DCC: variants seen among roughly 807,000 people sequenced by gnomAD.
DCC encodes netrin receptor DCC.
A neutral mutation model predicts 172.5 loss-of-function variants in DCC; 58 were observed. The ratio of observed to expected loss-of-function variants is 0.34; its 90% CI spans 0.27 to 0.42. The LOEUF (loss-of-function observed/expected upper bound fraction) is 0.42, where lower values mean the gene tolerates loss of function less well. Ranked by LOEUF, DCC falls within the 10% of genes least tolerant of loss-of-function variation. The pLI, the probability that DCC is intolerant of heterozygous loss-of-function variation, is 1.00. For synonymous variants in DCC, 709 were observed against 644.5 expected (o/e 1.10, Z -1.52); for missense variants, 1,740 against 1,791.0 (o/e 0.97, Z 0.51).
intron 27 of DCC, among the ~76,000 whole-genome samples, chr18:53,514,402 A>G (rs1001414995): frequency 6.6e-6 from 1 of 152,206 alleles, no homozygotes; most frequent in African/African-American, 2.4e-5. Flanking sequence ...CTAGAAAAGC[A>G]AGAGCAAACA....
chr18:53,377,033 A>G (rs1191658892), intron 15 of DCC, among the ~76,000 whole-genome samples: 1 of 152,128 alleles, frequency 6.6e-6, no homozygotes, highest in East Asian at 1.9e-4. Context: ...CCTAGTTCTG[A>G]GGAATCAATT....
intron 9 of DCC, among the ~76,000 whole-genome samples, chr18:53,199,864 T>C (rs989870398): frequency 6.6e-6 from 1 of 152,192 alleles, no homozygotes; most frequent in African/African-American, 2.4e-5. Flanking sequence ...CATACAATTA[T>C]GAAATTTTTA....
chr18:53,081,824 C>A (rs1239675592), intron 7 of DCC, among the ~76,000 whole-genome samples: 1 of 151,914 alleles, frequency 6.6e-6, no homozygotes, highest in South Asian at 2.1e-4. Context: ...ATTATAATGT[C>A]CCTTATTCCT....
chr18:52,408,846 A>G (rs1220271717), intron 1 of DCC, among the ~76,000 whole-genome samples: 1 of 152,086 alleles, frequency 6.6e-6, no homozygotes, highest in Non-Finnish European at 1.5e-5. Context: ...TTTTCACTGG[A>G]AACTTCTGAG....
intron 2 of DCC, among the ~76,000 whole-genome samples, chr18:52,762,926 C>T (rs2037187190): frequency 6.6e-6 from 1 of 152,186 alleles, no homozygotes; most frequent in African/African-American, 2.4e-5. Context: ...AATGAGTTTA[C>T]ACTATTTACA....
intron 1 of DCC, among the ~76,000 whole-genome samples, chr18:52,478,664 C>T (rs893265442): frequency 3.9e-5 from 6 of 152,140 alleles, no homozygotes; most frequent in African/African-American, 1.4e-4. Flanking sequence ...TGGCAGAAAG[C>T]CATGGGGGAG....
chr18:52,817,972 G>C (rs1166499524), intron 2 of DCC: 1 of 152,180 alleles, frequency 6.6e-6, no homozygotes, highest in African/African-American at 2.4e-5. Context: ...AAGCGTCATG[G>C]ATAAATATGA....
intron 1 of DCC, among the ~76,000 whole-genome samples, chr18:52,586,728 C>T (rs1213569736): frequency 6.6e-6 from 1 of 152,070 alleles, no homozygotes; most frequent in Non-Finnish European, 1.5e-5. Context: ...GAAACAGGAC[C>T]ATATATAGGA....
At position 53,120,126 on chromosome 18, in the gene DCC, A is replaced by C. The variant is rs12608058; in HGVS notation, c.1262-37230A>C. On this transcript the variant is annotated intron_variant, in intron 7 of 28. Coordinates refer to ENST00000442544, the MANE Select transcript of DCC (RefSeq NM_005215.4). ...TGAATATGTTCTTCAAATTCTAGAA[A>C]TCTCTATGCGTAAATATCAATAATT... Among the ~76,000 whole-genome samples, 599 of 151,934 alleles carry C rather than the reference A, an allele frequency of 3.9e-3. 8 individuals are homozygous for C. The highest frequency in any genetic ancestry group is 0.032 in the East Asian group (166 of 5,130).
intron 1 of DCC, among the ~76,000 whole-genome samples, chr18:52,342,762 C>A (rs569763941): frequency 6.6e-6 from 1 of 152,176 alleles, no homozygotes; most frequent in East Asian, 1.9e-4. Flanking sequence ...GTCAATTACA[C>A]GACAGTATTT....
intron 2 of DCC, among the ~76,000 whole-genome samples, chr18:52,761,397 T>C (rs1218726701): frequency 6.6e-6 from 1 of 152,208 alleles, no homozygotes; most frequent in Non-Finnish European, 1.5e-5. Flanking sequence ...CTATCATTGC[T>C]AAATTTGCCT....
intron 1 of DCC, among the ~76,000 whole-genome samples, chr18:52,750,771 A>G (rs2036982149): frequency 1.3e-5 from 2 of 152,314 alleles, no homozygotes; most frequent in Middle Eastern, 3.4e-3. Flanking sequence ...GAGAATATGG[A>G]TTACCTGCAA....
rs149139948 is a variant in DCC at position 53,470,655 on chromosome 18, C to A, written c.3736+2645C>A. 1.7e-3 allele frequency among the ~76,000 whole-genome samples: 251 copies of A among 152,098 alleles called. 2 individuals are homozygous for A. The highest frequency in any genetic ancestry group is 0.015 in the East Asian group (78 of 5,162). On this transcript the variant is annotated intron_variant, in intron 25 of 28. Coordinates refer to ENST00000442544, the MANE Select transcript of DCC (RefSeq NM_005215.4). ...CAGTTCTGCATGGCTGAGGAGGCCT[C>A]ATGAAACTCAGAATCATGGCGGAAG...
chr18:53,283,516 G>A (rs1054008000), intron 12 of DCC, among the ~76,000 whole-genome samples: 5 of 152,082 alleles, frequency 3.3e-5, no homozygotes, highest in African/African-American at 9.7e-5. Flanking sequence ...AATTTGGAAA[G>A]CAAAGATAAT....
intron 20 of DCC, among the ~76,000 whole-genome samples, chr18:53,413,462 T>G (rs1178194170): frequency 6.6e-6 from 1 of 152,164 alleles, no homozygotes; most frequent in Non-Finnish European, 1.5e-5. Context: ...TAAAAGGTAG[T>G]TATGAGAATC....
At chr18:52,572,115 CAT>C (rs1338018488) in intron 1 of DCC, among the ~76,000 whole-genome samples, 1 of 152,156 alleles carries the variant, frequency 6.6e-6, no homozygotes, top group East Asian at 1.9e-4. Context: ...CATCCAAAGT[CAT>C]ATTATGTGTG....
intron 23 of DCC, among the ~76,000 whole-genome samples, chr18:53,451,741 C>A (rs1014394288): frequency 6.7e-6 from 1 of 148,412 alleles, no homozygotes; most frequent in Admixed American, 6.8e-5. Flanking sequence ...CTCCATCTCT[C>A]TCTCTCTCTG....
chr18:52,860,488 C>T (rs1598875496), intron 2 of DCC, among the ~76,000 whole-genome samples: 1 of 152,172 alleles, frequency 6.6e-6, no homozygotes, highest in East Asian at 1.9e-4. Flanking sequence ...AATAAAAAAA[C>T]CTCCAAAACA....
chr18:53,143,711 T>C (rs754581513), intron 7 of DCC, among the ~76,000 whole-genome samples: 10 of 152,254 alleles, frequency 6.6e-5, no homozygotes, highest in Non-Finnish European at 1.5e-4. Flanking sequence ...GCAAACTACA[T>C]GTTATAGTCA....
Sources: gnomAD v4.1 joint callset for allele counts (sites outside exome capture counted in the v4.1 genomes callset) on GRCh38, gnomAD v4.1.1 for gene constraint, MANE v1.5 for transcripts, NCBI Gene and HGNC (gene_info 2026-07-23, HGNC 2026-07-21) for gene names.